The following AP1S1 variants were observed in gnomAD, a reference collection of about 807,000 sequenced individuals.
AP1S1 encodes the protein adaptor related protein complex 1 subunit sigma 1.
In AP1S1, 13 loss-of-function variants were observed where a neutral mutation model predicts 23.9. The observed-to-expected ratio is 0.54, with a 90% CI of 0.35 to 0.86. AP1S1 has a LOEUF of 0.86. Ranked by LOEUF, AP1S1 falls within the 40% of genes least tolerant of loss-of-function variation. AP1S1 has a pLI of 0.01. For synonymous variants in AP1S1, 84 were observed against 77.7 expected, an observed-to-expected ratio of 1.08 and a Z score of -0.43; for missense variants, 119 against 197.6, an observed-to-expected ratio of 0.60 and a Z score of 2.38.
intron 1 of AP1S1, among the ~76,000 whole-genome samples, chr7:101,155,950 G>A (rs1191013867): frequency 6.6e-6 from 1 of 152,122 alleles, no homozygotes; most frequent in Non-Finnish European, 1.5e-5. Flanking sequence ...ATAACTAACG[G>A]CCGGGCGCAG....
intron 3 of AP1S1, 116 bp from the exon 4 acceptor site, chr7:101,158,943 C>T (rs1797039491): frequency 1.5e-6 from 2 of 1,354,840 alleles, no homozygotes; most frequent in Non-Finnish European, 2.0e-6. Flanking sequence ...AAAAGCTGAC[C>T]AATGACTAAG....
chr7:101,160,267 G>C (rs929879462), intron 4 of AP1S1, among the ~76,000 whole-genome samples: 1 of 152,034 alleles, frequency 6.6e-6, no homozygotes, highest in East Asian at 1.9e-4. Flanking sequence ...CTGGCTTTGG[G>C]TTCTCTGGGT....
At chr7:101,159,258 C>T (rs1797045947) in intron 4 of AP1S1, 62 bp downstream of exon 4, 1 of 1,546,958 alleles carries the variant, frequency 6.5e-7, no homozygotes, top group Non-Finnish European at 8.7e-7. Flanking sequence ...GGTCCTCCCT[C>T]CCCTGGACAC....
chr7:101,154,511 C>A lies in AP1S1; in HGVS notation c.-4C>A, dbSNP rs777673904. ...GTGGGACGCGCCGAGCCGGAGGCTG[C>A]AGGATGGTAGGCTGTGCGAAGAGGG... On this transcript the variant is annotated 5_prime_UTR_variant, in exon 1 of 5. Coordinates refer to ENST00000337619, the MANE Select transcript of AP1S1 (RefSeq NM_001283.5). 52 of 1,572,170 alleles carry A rather than the reference C, an allele frequency of 3.3e-5. 1 individual carries two copies. In the South Asian group the frequency reaches 5.1e-4, roughly 16 times the overall value.
intron 4 of AP1S1, among the ~76,000 whole-genome samples, chr7:101,160,306 G>A (rs1263737602): frequency 6.6e-6 from 1 of 151,940 alleles, no homozygotes; most frequent in Non-Finnish European, 1.5e-5. Flanking sequence ...GACCCCCCCT[G>A]CCACTGTTGG....
chr7:101,157,980 A>G (rs2116689575), intron 3 of AP1S1, among the ~76,000 whole-genome samples: 1 of 151,818 alleles, frequency 6.6e-6, no homozygotes. Context: ...TTAAGAGATG[A>G]GGTCTTGCTA....
intron 1 of AP1S1, among the ~76,000 whole-genome samples, chr7:101,155,731 T>C (rs1330562815): frequency 6.6e-6 from 1 of 152,124 alleles, no homozygotes; most frequent in Non-Finnish European, 1.5e-5. Flanking sequence ...ATTAAGATCT[T>C]ATGGCTATGA....
intron 1 of AP1S1, 193 bp from the exon 2 acceptor site, chr7:101,156,401 C>A: frequency 1.6e-6 from 1 of 607,976 alleles, no homozygotes; most frequent in South Asian, 2.2e-5. Context: ...TGGGCCAAGG[C>A]CTTGCATAAC....
rs368705210 is a variant in AP1S1 at position 101,156,693 on chromosome 7, C to G, written c.103C>G (p.Leu35Val). ...DKERKKMVRE[L>V]MQVVLARKPK... ...GGAACGGAAGAAGATGGTGCGCGAG[C>G]TCATGCAGGTTGTCCTGGCTCGAAA... Residue 35 changes from leucine to valine, a missense_variant, in exon 2 of 5, where the codon CTC becomes GTC. Physicochemically the swap from Leu to Val is conservative, Grantham distance 32 (BLOSUM62 1). Transcript: ENST00000337619. 2 of 1,609,756 alleles carry G rather than the reference C, an allele frequency of 1.2e-6. No homozygotes were observed. The highest frequency in any genetic ancestry group is 1.7e-6 in the Non-Finnish European group (2 of 1,178,264).
intron 1 of AP1S1, among the ~76,000 whole-genome samples, chr7:101,155,849 A>T (rs1351907208): frequency 6.6e-6 from 1 of 152,196 alleles, no homozygotes; most frequent in East Asian, 1.9e-4. Flanking sequence ...GGCGTCGGTT[A>T]CTGTCGTCTT....
At position 101,160,631 on chromosome 7, in the gene AP1S1, C is replaced by T; in HGVS notation, c.*65C>T. ...CGTGGCGGGAACGGCTGCTTCTCCT[C>T]TGCCCAGGGCCCTGTTCTTGGTGGG... On this transcript the variant is annotated 3_prime_UTR_variant, in exon 5 of 5. Transcript: ENST00000337619. The T allele has an allele frequency of 1.3e-6, 2 of 1,567,632 alleles. No homozygotes were observed. The highest frequency in any genetic ancestry group is 1.7e-6 in the Non-Finnish European group (2 of 1,149,122).
intron 3 of AP1S1, among the ~76,000 whole-genome samples, chr7:101,158,134 T>A (rs73178553): frequency 6.6e-6 from 1 of 152,028 alleles, no homozygotes; most frequent in African/African-American, 2.4e-5. Flanking sequence ...TGGATTTGCA[T>A]TGGAGTTTTC....
At chr7:101,157,665 C>T (rs764245614) in intron 3 of AP1S1, among the ~76,000 whole-genome samples, 180 bp downstream of exon 3, 1 of 152,240 alleles carries the variant, frequency 6.6e-6, no homozygotes, top group African/African-American at 2.4e-5. Context: ...GTCCCATAAT[C>T]GTCCCTGAGT....
Position 101,156,689 on chromosome 7 carries a change from C to G in AP1S1, c.99C>G (p.Arg33=). Residue 33 remains arginine, a synonymous_variant, in exon 2 of 5, where the codon CGC becomes CGG. Transcript: ENST00000337619. The part of the protein sequence containing the change: ...TSDKERKKMV[R]ELMQVVLARK... ...ACAAGGAACGGAAGAAGATGGTGCG[C>G]GAGCTCATGCAGGTTGTCCTGGCTC... The G allele has an allele frequency of 1.9e-6, 3 of 1,609,960 alleles. No homozygotes were observed. Among genetic ancestry groups the G allele is most frequent in the Non-Finnish European group, 1.7e-6 (2 of 1,178,300 alleles).
At chr7:101,156,545 T>C in intron 1 of AP1S1, 49 bp from the exon 2 acceptor site, 1 of 1,563,044 alleles carries the variant, frequency 6.4e-7, no homozygotes, top group Non-Finnish European at 8.7e-7. Flanking sequence ...TGGAGATAAG[T>C]TTGGGGAATG....
intron 2 of AP1S1, 26 bp from the exon 3 acceptor site, chr7:101,157,351 G>A (rs1446200629): frequency 1.5e-5 from 23 of 1,525,974 alleles, no homozygotes; most frequent in East Asian, 4.9e-5. Flanking sequence ...AGCTTGTAGC[G>A]ATGTCTCATG....
intron 2 of AP1S1, among the ~76,000 whole-genome samples, chr7:101,157,082 GCA>G (rs976087893): frequency 3.3e-5 from 5 of 151,786 alleles, no homozygotes; most frequent in Non-Finnish European, 7.4e-5. Context: ...TAACACACAC[GCA>G]CACACACACC....
At position 101,161,148 on chromosome 7, in the gene AP1S1, C is replaced by T; in HGVS notation, c.*582C>T. ...GGGGGAAGGGCAAGCTTTATGGGAC[C>T]CTGGTCCTGGCCCTGGCCTTTCACT... On this transcript the variant is annotated 3_prime_UTR_variant, in exon 5 of 5. Transcript: ENST00000337619. The T allele has an allele frequency of 2.3e-5, 6 of 258,670 alleles. No homozygotes were observed. The South Asian group carries it at 2.4e-4, about 10-fold the overall frequency. The allele number at this position is 258,670 out of a possible 1,614,324, so 16.0% of individuals were successfully genotyped here.
rs1016888099 is a variant in AP1S1, at chr7:101,159,866, G to A, written c.430-653G>A. Among the ~76,000 whole-genome samples, 4 of 151,828 alleles carry A rather than the reference G, an allele frequency of 2.6e-5. No individual in the cohort carries two copies. In the South Asian group the frequency reaches 8.3e-4, roughly 32 times the overall value. The stretch of plus-strand genomic sequence containing the variant: ...CGGCCTGAGCTGGCTCTGAGGAGGG[G>A]GAGAGATGGGGGGCGAGGGAGGGCT... On this transcript the variant is annotated intron_variant, in intron 4 of 4. Coordinates refer to ENST00000337619, the MANE Select transcript of AP1S1 (RefSeq NM_001283.5).
Sources: allele counts gnomAD v4.1 joint callset (sites outside exome capture counted in the v4.1 genomes callset), GRCh38; gene constraint gnomAD v4.1.1; transcripts MANE v1.5; gene names NCBI Gene and HGNC (gene_info 2026-07-23, HGNC 2026-07-21).